The following ARMCX4 variants were observed in gnomAD, a reference collection of about 807,000 sequenced individuals.
The protein encoded by ARMCX4 is armadillo repeat containing X-linked 4, also known as armadillo repeat-containing X-linked protein 4.
In ARMCX4, 3 loss-of-function variants were observed where a neutral mutation model predicts 34.7. The ratio of observed to expected loss-of-function variants is 0.09; its 90% CI spans 0.04 to 0.22. The LOEUF (loss-of-function observed/expected upper bound fraction) is 0.22. Ranked by LOEUF, ARMCX4 falls within the 10% of genes least tolerant of loss-of-function variation. The pLI is 1.00. For missense variants in ARMCX4, 1,448 were observed against 1,720.8 expected, an observed-to-expected ratio of 0.84 and a Z score of 2.81; for synonymous variants, 513 against 632.8, an observed-to-expected ratio of 0.81 and a Z score of 2.84.
chrX:101,431,636 C>A (rs146222535), intron 2 of ARMCX4, among the ~76,000 whole-genome samples: 1 of 111,059 alleles, frequency 9.0e-6, no homozygotes, highest in Non-Finnish European at 1.9e-5. Context: ...CTCTGCCTTC[C>A]GGGTTCATGC....
At chrX:101,501,573 C>G (rs374968569) in intron 7 of ARMCX4, among the ~76,000 whole-genome samples, 64 of 111,791 alleles carry the variant, frequency 5.7e-4, no homozygotes, top group Non-Finnish European at 1.1e-3. Context: ...TATATAGCAA[C>G]AGTAGCATTC....
chrX:101,489,498 T>A lies in ARMCX4; in HGVS notation c.909T>A (p.Asn303Lys), dbSNP rs1933884146. 5 of 1,153,253 alleles carry A rather than the reference T, an allele frequency of 4.3e-6. No homozygotes were observed. ...GTACTGGGGTTGAGGACATGGGGAA[T>A]TGTAAAACCATGTCTAGGGCAGAGT... ...MPGTGVEDMGNCKTMSRAESG... is the reference protein window; with the variant it reads ...MPGTGVEDMGKCKTMSRAESG... Residue 303 changes from asparagine to lysine, a missense_variant, in exon 6 of 6, where the codon AAT becomes AAA. Physicochemically the swap from Asn to Lys is moderately conservative, Grantham distance 94. This residue lies in a region of ARMCX4 where 1,343 missense variants were observed against 1,540.7 expected (regional missense o/e 0.87). Coordinates refer to ENST00000423738, the MANE Select transcript of ARMCX4 (RefSeq NM_001256155.3).
rs781912441 is a variant in ARMCX4, at chrX:101,490,423, C to G, written c.1834C>G (p.Pro612Ala). The G allele has an allele frequency of 8.7e-7, 1 of 1,151,699 alleles. No individual in the cohort carries two copies. Among genetic ancestry groups the G allele is most frequent in the African/African-American group, 1.8e-5 (1 of 55,004 alleles). 94.9% of individuals were successfully genotyped at this position (1,151,699 alleles called of 1,213,427 possible). The change falls in exon 6 of 6, where the codon CCC becomes GCC. Residue 612 changes from proline (P) to alanine (A), a missense_variant. Pro to Ala is a conservative substitution (Grantham distance 27). This residue lies in a region of ARMCX4 where 1,343 missense variants were observed against 1,540.7 expected (regional missense o/e 0.87). Transcript: ENST00000423738. ...TGCCAAGAATAAAGTCAAGGGCAAT[C>G]CCCATACTGTGCTTAAGGTGGGGGC... ...PGAKNKVKGN[P>A]HTVLKVGAGE...
chrX:101,535,591 T>C (rs1935204853), downstream of ARMCX4, among the ~76,000 whole-genome samples: 2 of 111,733 alleles, frequency 1.8e-5, no homozygotes, highest in Non-Finnish European at 3.8e-5. Context: ...TTCAGACTTA[T>C]GTTATTTGAA....
intron 4 of ARMCX4, among the ~76,000 whole-genome samples, chrX:101,477,430 C>CAAAA (rs1156582627): frequency 0.033 from 407 of 12,500 alleles, 122 homozygotes; most frequent in East Asian, 0.11. Flanking sequence ...GACTCTGTCT[C>CAAAA]AAAAAAAAAA....
downstream of ARMCX4, among the ~76,000 whole-genome samples, chrX:101,449,034 C>T (rs1555998611): frequency 1.8e-5 from 2 of 108,462 alleles, no homozygotes; most frequent in African/African-American, 3.4e-5. Flanking sequence ...GCCTCACCCA[C>T]GCAGCTGGGA....
At chrX:101,497,361 C>A (rs1202029121), downstream of ARMCX4, among the ~76,000 whole-genome samples, 10 of 109,915 alleles carry the variant, frequency 9.1e-5, no homozygotes, top group East Asian at 2.6e-3. Flanking sequence ...CTCAGCCTCC[C>A]GAGTAGCTGG....
intron 4 of ARMCX4, among the ~76,000 whole-genome samples, chrX:101,465,693 A>G (rs886148744): frequency 8.9e-6 from 1 of 111,859 alleles, no homozygotes; most frequent in Non-Finnish European, 1.9e-5. Context: ...TGCACAAGTA[A>G]TCTTAACATA....
chrX:101,438,522 G>A (rs1447576874), intron 2 of ARMCX4, among the ~76,000 whole-genome samples: 17 of 111,057 alleles, frequency 1.5e-4, no homozygotes, highest in Non-Finnish European at 2.3e-4. Flanking sequence ...CCAAGATCGC[G>A]CCACTGCACT....
At chrX:101,421,111 G>A (rs1325473451) in intron 2 of ARMCX4, among the ~76,000 whole-genome samples, 1 of 106,808 alleles carries the variant, frequency 9.4e-6, no homozygotes, top group Non-Finnish European at 1.9e-5. Context: ...GGTGAGGCAG[G>A]AGAATCGCTT....
intron 4 of ARMCX4, among the ~76,000 whole-genome samples, chrX:101,461,738 CT>C (rs1217005137): frequency 9.1e-6 from 1 of 110,169 alleles, no homozygotes; most frequent in African/African-American, 3.3e-5. Flanking sequence ...TTCTCCCTCT[CT>C]TTTTTTTTAA....
chrX:101,454,324 G>A (rs1048049164), intron 4 of ARMCX4, among the ~76,000 whole-genome samples: 5 of 105,770 alleles, frequency 4.7e-5, no homozygotes, highest in Admixed American at 3.1e-4. Flanking sequence ...CGCCCAGGCT[G>A]GAGTGCAGTG....
intron 2 of ARMCX4, among the ~76,000 whole-genome samples, chrX:101,440,547 G>T (rs1931212666): frequency 8.9e-6 from 1 of 111,946 alleles, no homozygotes; most frequent in African/African-American, 3.2e-5. Flanking sequence ...GCTGCCTTTT[G>T]TTTGGCTATG....
intron 11 of ARMCX4, among the ~76,000 whole-genome samples, chrX:101,523,419 A>T (rs187337511): frequency 3.6e-4 from 41 of 112,508 alleles, no homozygotes; most frequent in African/African-American, 1.3e-3. Context: ...CAAGCCATCC[A>T]CATATCCAAT....
At chrX:101,455,066 G>C (rs1182116860) in intron 4 of ARMCX4, among the ~76,000 whole-genome samples, 1 of 111,721 alleles carries the variant, frequency 9.0e-6, no homozygotes. Flanking sequence ...TTGAGGGAAG[G>C]AGGGACCCAT....
chrX:101,474,672 T>C (rs1442056372), intron 4 of ARMCX4, among the ~76,000 whole-genome samples: 1 of 104,090 alleles, frequency 9.6e-6, no homozygotes, highest in Non-Finnish European at 2.0e-5. Context: ...AATCAATAAA[T>C]GTAATCCAGC....
At position 101,489,294 on chromosome X, in the gene ARMCX4, G is replaced by T; in HGVS notation, c.705G>T (p.Lys235Asn). 4.3e-6 allele frequency: 5 copies of T among 1,156,154 alleles called. No homozygotes were observed. Among genetic ancestry groups the T allele is most frequent in the Non-Finnish European group, 5.7e-6 (5 of 873,028 alleles). ...TNKTGIVDETKTRALEETVSV... is the reference protein window; with the variant it reads ...TNKTGIVDETNTRALEETVSV... ...AGACTGGAATTGTGGATGAAACCAA[G>T]ACAAGAGCTCTGGAAGAGACTGTGA... Residue 235 changes from lysine to asparagine, a missense_variant, in exon 6 of 6, where the codon AAG becomes AAT. Physicochemically the swap from Lys to Asn is moderately conservative, Grantham distance 94. This residue lies in a region of ARMCX4 where 1,343 missense variants were observed against 1,540.7 expected (regional missense o/e 0.87). Coordinates refer to ENST00000423738, the MANE Select transcript of ARMCX4 (RefSeq NM_001256155.3).
At position 101,439,378 on chromosome X, in the gene ARMCX4, C is replaced by A. The variant is rs782229820; in HGVS notation, n.165-4674C>A. On this transcript the variant is annotated intron_variant and non_coding_transcript_variant, in intron 2 of 3. Coordinates refer to the ARMCX4 transcript ENST00000430461. ...TGGGCTTCCCTTTGTGGGTAACCCG[C>A]CCTTTCTCTCTGGCTGCCCTTAACA... 7.5e-3 allele frequency among the ~76,000 whole-genome samples: 835 copies of A among 111,447 alleles called. 12 individuals are homozygous for A. Among genetic ancestry groups the A allele is most frequent in the African/African-American group, 0.026 (791 of 30,678 alleles).
intron 2 of ARMCX4, among the ~76,000 whole-genome samples, chrX:101,438,494 G>A (rs1015309918): frequency 9.0e-6 from 1 of 111,150 alleles, no homozygotes. Flanking sequence ...GAACCCGGGA[G>A]GCAGAGCTTG....
Sources: allele counts gnomAD v4.1 joint callset (sites outside exome capture counted in the v4.1 genomes callset), GRCh38; gene constraint gnomAD v4.1.1; regional missense constraint gnomAD v4.1.1; transcripts MANE v1.5; gene names NCBI Gene and HGNC (gene_info 2026-07-23, HGNC 2026-07-21).